LINGO3: variants seen among roughly 807,000 people sequenced by gnomAD.
LINGO3 encodes the protein leucine rich repeat and Ig domain containing 3.
For missense variants in LINGO3, 750 were observed against 867.7 expected (o/e 0.86, Z 1.70); for synonymous variants, 427 against 444.2 (o/e 0.96, Z 0.49).
chr19:2,297,566 G>A, the LINGO3 span, among the ~76,000 whole-genome samples: 1 of 149,404 alleles, frequency 6.7e-6, no homozygotes, highest in Non-Finnish European at 1.5e-5. Context: ...GCTTCCCAAA[G>A]TGCTGGGATT....
rs1338706167 is a variant in LINGO3, at chr19:2,290,844, C to T, written c.933G>A (p.Pro311=). The T allele has an allele frequency of 1.2e-6, 2 of 1,611,676 alleles. No individual in the cohort carries two copies. The highest frequency in any genetic ancestry group is 1.7e-6 in the Non-Finnish European group (2 of 1,179,332). The change falls in exon 1 of 1, where the codon CCG becomes CCA. Residue 311 remains proline (P), a synonymous_variant. Transcript: ENST00000585527. This position sits in a 1 kb window ranked among gnomAD's most constrained non-coding sequence, Gnocchi z 6.0. ...TCTGGCGCAGGCCCAGGAAGGCCTG[C>T]GGCTCCACCACAGCCAGCAGGGCCC... is the stretch of plus-strand genomic sequence containing the variant.
chr19:2,295,936 C>G (rs558684176), upstream of LINGO3, among the ~76,000 whole-genome samples: 1 of 151,290 alleles, frequency 6.6e-6, no homozygotes, highest in Non-Finnish European at 1.5e-5. Context: ...TCCCAGGAGG[C>G]CTTGGTCCTC....
chr19:2,289,306 G>A (rs919982052), downstream of LINGO3, among the ~76,000 whole-genome samples: 4 of 151,600 alleles, frequency 2.6e-5, no homozygotes, highest in Non-Finnish European at 5.9e-5. Context: ...TGTGTCCCGG[G>A]TGTGAGTTGC....
At chr19:2,297,603 T>C in the LINGO3 span, among the ~76,000 whole-genome samples, 194 of 130,336 alleles carry the variant, frequency 1.5e-3, 1 homozygote, top group Middle Eastern at 8.4e-3. Context: ...GCACCCGGCC[T>C]TTTTTTTTTT....
the LINGO3 span, among the ~76,000 whole-genome samples, chr19:2,301,841 TGG>T: frequency 1.4e-5 from 2 of 140,590 alleles, no homozygotes; most frequent in Admixed American, 7.8e-5. Flanking sequence ...GGCAGGAGAA[TGG>T]CGTGAACCCG....
At chr19:2,292,013 TC>T in exon 1 of LINGO3, 1 of 519,576 alleles carries the variant, frequency 1.9e-6, no homozygotes, top group Non-Finnish European at 3.6e-6. Flanking sequence ...ATAGCAAGAC[TC>T]CCATCTCTAC....
chr19:2,303,599 T>C, the LINGO3 span, among the ~76,000 whole-genome samples: 5 of 152,100 alleles, frequency 3.3e-5, no homozygotes, highest in African/African-American at 1.2e-4. Context: ...TGGGGAGCCA[T>C]GGGAGGATAT....
chr19:2,295,495 G>A (rs1284085784), upstream of LINGO3, among the ~76,000 whole-genome samples: 1 of 152,208 alleles, frequency 6.6e-6, no homozygotes, highest in Non-Finnish European at 1.5e-5. Flanking sequence ...AGCACTTCGG[G>A]AGGCTGAGGC....
chr19:2,294,534 G>A (rs1385745882), upstream of LINGO3, among the ~76,000 whole-genome samples: 1 of 152,142 alleles, frequency 6.6e-6, no homozygotes, highest in East Asian at 1.9e-4. The surrounding 1 kb of genome is among the most constrained non-coding windows in gnomAD (Gnocchi z 4.3). Flanking sequence ...AAGGGTGTGT[G>A]GGCTGGGGGA....
exon 1 of LINGO3, chr19:2,289,806 C>T: frequency 6.2e-6 from 3 of 487,732 alleles, no homozygotes; most frequent in Non-Finnish European, 1.1e-5. Flanking sequence ...CTTTAGAAAA[C>T]GCTTGAGAAA....
the LINGO3 span, among the ~76,000 whole-genome samples, chr19:2,301,704 G>A: frequency 6.6e-6 from 1 of 151,990 alleles, no homozygotes; most frequent in Admixed American, 6.6e-5. Flanking sequence ...GAGGAGGGCG[G>A]ATCACAAGTT....
At chr19:2,296,334 G>A (rs896205038), upstream of LINGO3, among the ~76,000 whole-genome samples, 4 of 152,164 alleles carry the variant, frequency 2.6e-5, no homozygotes, top group African/African-American at 9.7e-5. Context: ...CAGCCCACAG[G>A]CCGGGCGCGG....
the LINGO3 span, among the ~76,000 whole-genome samples, chr19:2,306,075 A>G: frequency 2.0e-5 from 3 of 152,254 alleles, no homozygotes; most frequent in African/African-American, 4.8e-5. Flanking sequence ...TGCCCTCTGC[A>G]GGCAGGGCCT....
At chr19:2,307,112 C>G in the LINGO3 span, among the ~76,000 whole-genome samples, 7 of 152,186 alleles carry the variant, frequency 4.6e-5, no homozygotes, top group Non-Finnish European at 1.0e-4. Context: ...CCCAGCCAAG[C>G]CCCAGATCGT....
At chr19:2,300,417 A>G in the LINGO3 span, among the ~76,000 whole-genome samples, 2 of 151,192 alleles carry the variant, frequency 1.3e-5, no homozygotes, top group Admixed American at 6.6e-5. Context: ...AGGGCTCTCT[A>G]TCTCCATCCT....
upstream of LINGO3, among the ~76,000 whole-genome samples, chr19:2,296,337 G>C (rs58228517): frequency 6.6e-6 from 1 of 152,058 alleles, no homozygotes; most frequent in Admixed American, 6.6e-5. Context: ...CCCACAGGCC[G>C]GGCGCGGTGG....
At chr19:2,300,730 G>A in the LINGO3 span, among the ~76,000 whole-genome samples, 2 of 152,044 alleles carry the variant, frequency 1.3e-5, no homozygotes, top group East Asian at 1.9e-4. Flanking sequence ...CCCCCACCCC[G>A]AACTCCCCTC....
chr19:2,307,384 G>A, the LINGO3 span, among the ~76,000 whole-genome samples: 6 of 152,194 alleles, frequency 3.9e-5, no homozygotes, highest in African/African-American at 1.2e-4. Flanking sequence ...TCTTGTGCCC[G>A]GACCAAGGCA....
the LINGO3 span, among the ~76,000 whole-genome samples, chr19:2,303,177 T>C: frequency 4.6e-3 from 698 of 152,292 alleles, 1 homozygote; most frequent in Non-Finnish European, 8.1e-3. Context: ...TTCCTGTCTC[T>C]GCGAATTGGC....
Sources: allele counts gnomAD v4.1 joint callset (sites outside exome capture counted in the v4.1 genomes callset), GRCh38; gene constraint gnomAD v4.1.1; non-coding constraint Gnocchi (gnomAD v3.1); transcripts MANE v1.5; gene names NCBI Gene and HGNC (gene_info 2026-07-23, HGNC 2026-07-21).